The following CA6 variants were observed in gnomAD, a reference collection of about 807,000 sequenced individuals.
The protein encoded by CA6 is carbonate dehydratase VI.
Under a neutral mutation model 35.9 loss-of-function variants are expected in CA6, and 28 were observed. That is an observed-to-expected ratio of 0.78 (90% CI 0.58 to 1.07). CA6 has a LOEUF of 1.07. Among genes scored for constraint, CA6 ranks in the 50% least tolerant of loss-of-function variants. The pLI is 0.00. For synonymous variants in CA6, 148 were observed against 152.6 expected, an observed-to-expected ratio of 0.97 and a Z score of 0.22; for missense variants, 377 against 382.0, an observed-to-expected ratio of 0.99 and a Z score of 0.11.
At chr1:8,971,311 C>A (rs1287420043) in intron 7 of CA6, among the ~76,000 whole-genome samples, 2 of 137,936 alleles carry the variant, frequency 1.4e-5, no homozygotes, top group African/African-American at 5.3e-5. Context: ...TCAAGTTAAC[C>A]TTTTTTTTTT....
intron 4 of CA6, 107 bp from the exon 5 acceptor site, chr1:8,962,480 C>A: frequency 1.1e-6 from 1 of 916,254 alleles, no homozygotes; most frequent in Non-Finnish European, 1.8e-6. Context: ...CCTCTCCTTA[C>A]TCTCTAGGCT....
rs200330675 is a variant in CA6, at chr1:8,957,309, C to T, written c.408+24C>T. 1.0e-4 allele frequency: 160 copies of T among 1,588,778 alleles called. 2 individuals are homozygous for T. In the East Asian group the frequency reaches 3.5e-3, roughly 35 times the overall value. ...AGGTACCTGAGGACCCCCACTGTGT[C>T]CTCTTTCCTTTGAACCCCATAGTCA... On this transcript the variant is annotated intron_variant, in intron 3 of 7. Coordinates refer to ENST00000377443, the MANE Select transcript of CA6 (RefSeq NM_001215.4).
At chr1:8,966,595 C>G (rs1639973563) in intron 5 of CA6, among the ~76,000 whole-genome samples, 2 of 152,204 alleles carry the variant, frequency 1.3e-5, no homozygotes, top group African/African-American at 4.8e-5. Context: ...TTTGCCTACT[C>G]ATGGGCTTAT....
At chr1:8,954,976 T>C (rs1407352659) in intron 2 of CA6, among the ~76,000 whole-genome samples, 1 of 152,156 alleles carries the variant, frequency 6.6e-6, no homozygotes, top group Non-Finnish European at 1.5e-5. Context: ...TGCTACAAAA[T>C]TTCTAAAATG....
rs371027502 is a variant in CA6 at position 8,955,819 on chromosome 1, C to T, written c.260-1318C>T. ...TGAATTTAATCATAGCTCCCCGCTC[C>T]TTTAGACAATTTGGAAAGAAAGAGG... On this transcript the variant is annotated intron_variant, in intron 2 of 7. Coordinates refer to ENST00000377443, the MANE Select transcript of CA6 (RefSeq NM_001215.4). Among the ~76,000 whole-genome samples the T allele has an allele frequency of 5.3e-5, 8 of 152,314 alleles. No homozygotes were observed. The East Asian group carries it at 1.3e-3, about 26-fold the overall frequency.
At chr1:8,957,318 T>G (rs372464758) in intron 3 of CA6, 33 bp downstream of exon 3, 5 of 1,574,940 alleles carry the variant, frequency 3.2e-6, no homozygotes, top group Non-Finnish European at 4.3e-6. Flanking sequence ...TCCTCTTTCC[T>G]TTGAACCCCA....
At chr1:8,971,126 G>C in intron 7 of CA6, 145 bp downstream of exon 7, 1 of 644,616 alleles carries the variant, frequency 1.6e-6, no homozygotes, top group Non-Finnish European at 2.8e-6. Flanking sequence ...GCTGCACAGG[G>C]CTTGGGCAGA....
Position 8,973,704 on chromosome 1 carries a change from TTCTC to T in CA6, c.845-912_845-909del, listed in dbSNP as rs200899616. Among the ~76,000 whole-genome samples, 167 of 126,882 alleles carry T rather than the reference TTCTC, an allele frequency of 1.3e-3. 2 individuals are homozygous for T. Among genetic ancestry groups the T allele is most frequent in the African/African-American group, 3.3e-3 (107 of 32,054 alleles). 83.2% of individuals were successfully genotyped at this position (126,882 alleles called of 152,430 possible). A position where few individuals can be genotyped will look rare whatever the true frequency, so the allele number is the denominator to read the frequency against. On this transcript the variant is annotated intron_variant, in intron 7 of 7. Coordinates refer to ENST00000377443, the MANE Select transcript of CA6 (RefSeq NM_001215.4). ...CCTTCCCTCAGGCCTGGATTTTTCTTTCTCTCTCTTTCTTTCTTTCTTTCTTTCT... is the reference window on the plus strand; with the variant it reads ...CCTTCCCTCAGGCCTGGATTTTTCTTTCTCTTTCTTTCTTTCTTTCTTTCT...
intron 7 of CA6, among the ~76,000 whole-genome samples, chr1:8,973,784 C>CTTTCT (rs375258281): frequency 0.094 from 4,822 of 51,568 alleles, 284 homozygotes; most frequent in Middle Eastern, 0.11. Context: ...TTCTTTCTTT[C>CTTTCT]TTTTCCCTCC....
intron 2 of CA6, 144 bp downstream of exon 2, chr1:8,949,586 C>T: frequency 2.9e-6 from 2 of 680,302 alleles, no homozygotes; most frequent in Non-Finnish European, 5.0e-6. Flanking sequence ...GAGGGTCGAA[C>T]ATGAGGGCTG....
At chr1:8,964,262 T>C (rs4908798) in intron 5 of CA6, among the ~76,000 whole-genome samples, 59,586 of 151,910 alleles carry the variant, frequency 0.39, 12,716 homozygotes, top group East Asian at 0.65. Context: ...TCTTTTTTCT[T>C]TTTGGAGATG....
intron 2 of CA6, among the ~76,000 whole-genome samples, chr1:8,951,247 C>T (rs1013580339): frequency 1.7e-4 from 25 of 151,228 alleles, no homozygotes; most frequent in Non-Finnish European, 3.2e-4. Context: ...AGAAAGAAAA[C>T]CAATTGTCCT....
rs148558956 is a variant in CA6, at chr1:8,962,591, A to G, written c.506A>G (p.Lys169Arg). Residue 169 changes from lysine to arginine, a missense_variant, in exon 5 of 8, where the codon AAG becomes AGG. Coordinates refer to ENST00000377443, the MANE Select transcript of CA6 (RefSeq NM_001215.4). Reference protein sequence around the residue: ...LAVLAAFVEVKNYPENTYYSN... With the variant: ...LAVLAAFVEVRNYPENTYYSN... Reference sequence around the variant, plus strand: ...GTGCTCTGTGTTTCTCTGCAGGTGAAGAATTACCCTGAAAACACTTATTAC... The same window carrying G: ...GTGCTCTGTGTTTCTCTGCAGGTGAGGAATTACCCTGAAAACACTTATTAC... The G allele has an allele frequency of 1.9e-6, 3 of 1,613,460 alleles. No individual in the cohort carries two copies. Among genetic ancestry groups the G allele is most frequent in the African/African-American group, 2.7e-5 (2 of 75,060 alleles).
In CA6 at chr1:8,963,528, A is replaced by T. The variant is rs1480071770; in HGVS notation, c.571+872A>T. On this transcript the variant is annotated intron_variant, in intron 5 of 7. Transcript: ENST00000377443. This position sits in a 1 kb window ranked among gnomAD's most constrained non-coding sequence, Gnocchi z 4.1. ...TGCAACTGGACAGAAATCCATAGAC[A>T]TCTAACTGGTATTATTATCGTTATT... is the stretch of plus-strand genomic sequence containing the variant. Among the ~76,000 whole-genome samples, 3 of 152,128 alleles carry T rather than the reference A, an allele frequency of 2.0e-5. No homozygotes were observed. Among genetic ancestry groups the T allele is most frequent in the African/African-American group, 7.2e-5 (3 of 41,418 alleles).
intron 2 of CA6, among the ~76,000 whole-genome samples, chr1:8,956,289 C>A (rs1377363899): frequency 6.6e-6 from 1 of 152,064 alleles, no homozygotes; most frequent in Non-Finnish European, 1.5e-5. Flanking sequence ...GAAATTATAT[C>A]CTCATAGATA....
At chr1:8,971,066 A>G in intron 7 of CA6, 85 bp downstream of exon 7, 1 of 910,722 alleles carries the variant, frequency 1.1e-6, no homozygotes, top group Non-Finnish European at 1.8e-6. Context: ...TCTTCTGGTG[A>G]TATAAGGGAA....
chr1:8,962,076 C>T (rs1639854674), intron 4 of CA6, among the ~76,000 whole-genome samples: 1 of 152,034 alleles, frequency 6.6e-6, no homozygotes, highest in Non-Finnish European at 1.5e-5. Context: ...CCCATCTCTA[C>T]TAAAAATACA....
At chr1:8,956,824 C>T (rs1639696752) in intron 2 of CA6, among the ~76,000 whole-genome samples, 1 of 152,310 alleles carries the variant, frequency 6.6e-6, no homozygotes, top group African/African-American at 2.4e-5. Flanking sequence ...CTGGGGCCAG[C>T]AAGCTGGACC....
rs112457444 is a variant in CA6 at position 8,970,891 on chromosome 1, C to T, written c.754C>T (p.Leu252=). 9.2e-5 allele frequency: 148 copies of T among 1,613,582 alleles called. No individual in the cohort carries two copies. The African/African-American group carries it at 1.5e-3, about 16-fold the overall frequency. ...TQVWKLENSL[L]DHRNKTIHND... is the part of the protein sequence containing the mutation. Reference sequence around the variant, plus strand: ...GGTTTGGAAGCTGGAGAATTCCTTACTGGATCACCGCAACAAGACCATCCA... The same window carrying T: ...GGTTTGGAAGCTGGAGAATTCCTTATTGGATCACCGCAACAAGACCATCCA... Residue 252 remains leucine, a synonymous_variant, in exon 7 of 8, where the codon CTG becomes TTG. Transcript: ENST00000377443.
Sources: gnomAD v4.1 joint callset for allele counts (sites outside exome capture counted in the v4.1 genomes callset) on GRCh38, gnomAD v4.1.1 for gene constraint, Gnocchi (gnomAD v3.1) non-coding constraint, MANE v1.5 for transcripts, NCBI Gene and HGNC (gene_info 2026-07-23, HGNC 2026-07-21) for gene names.